Variants in CTDSPL observed in about 807,000 individuals in gnomAD.
CTDSPL encodes the protein CTD small phosphatase-like protein.
Under a neutral mutation model 30.5 loss-of-function variants are expected in CTDSPL, and 8 were observed. That is an observed-to-expected ratio of 0.26 (90% CI 0.15 to 0.47). CTDSPL has a LOEUF of 0.47. Among genes scored for constraint, CTDSPL ranks in the 20% least tolerant of loss-of-function variants. CTDSPL has a pLI of 0.99. For missense variants in CTDSPL, 248 were observed against 366.1 expected (o/e 0.68, Z 2.63); for synonymous variants, 110 against 137.9 (o/e 0.80, Z 1.42).
intron 1 of CTDSPL, among the ~76,000 whole-genome samples, chr3:37,942,577 A>G (rs1193164493): frequency 6.7e-6 from 1 of 150,196 alleles, no homozygotes; most frequent in Non-Finnish European, 1.5e-5. Context: ...CCGGGGGTAG[A>G]GGTTGCAGTG....
At chr3:37,925,359 C>T (rs189378307) in intron 1 of CTDSPL, among the ~76,000 whole-genome samples, 1 of 152,292 alleles carries the variant, frequency 6.6e-6, no homozygotes, top group East Asian at 1.9e-4. Context: ...GCATACCCTC[C>T]AAGCATTGGT....
At chr3:37,954,777 G>A (rs11919078) in intron 2 of CTDSPL, 32,317 of 152,250 alleles carry the variant, frequency 0.21, 4,940 homozygotes, top group African/African-American at 0.43. Flanking sequence ...AAGCCTCCAG[G>A]GGCTGGGAGG....
Position 37,982,762 on chromosome 3 carries a change from A to G in CTDSPL, c.*1895A>G, listed in dbSNP as rs1699506773. ...GATATTACCACAGATAATGACAGTTACATGGTAGAACTGCCCATGCCACAA... is the reference window on the plus strand; with the variant it reads ...GATATTACCACAGATAATGACAGTTGCATGGTAGAACTGCCCATGCCACAA... On this transcript the variant is annotated 3_prime_UTR_variant, in exon 8 of 8. Coordinates refer to ENST00000273179, the MANE Select transcript of CTDSPL (RefSeq NM_001008392.2). 5.0e-6 allele frequency: 2 copies of G among 402,696 alleles called. No homozygotes were observed. Among genetic ancestry groups the G allele is most frequent in the Non-Finnish European group, 1.0e-5 (2 of 198,162 alleles). The allele number at this position is 402,696 out of a possible 1,614,324, so 24.9% of individuals were successfully genotyped here.
intron 3 of CTDSPL, among the ~76,000 whole-genome samples, chr3:37,960,898 A>G (rs1237836838): frequency 6.6e-6 from 1 of 152,080 alleles, no homozygotes; most frequent in Non-Finnish European, 1.5e-5. Flanking sequence ...ATTTTAAGGA[A>G]ATTAATACTT....
chr3:37,903,833 C>T (rs1047359557), intron 1 of CTDSPL, among the ~76,000 whole-genome samples: 2 of 152,200 alleles, frequency 1.3e-5, no homozygotes, highest in Non-Finnish European at 2.9e-5. Context: ...CAAGCGACTA[C>T]CACTGTCAGG....
chr3:37,948,814 T>TTTTTTTTC (rs1559641771), intron 2 of CTDSPL, among the ~76,000 whole-genome samples: 6 of 133,556 alleles, frequency 4.5e-5, no homozygotes, highest in Non-Finnish European at 7.8e-5. Context: ...CTTTCTTTTT[T>TTTTTTTTC]TTTTTTTTTT....
intron 1 of CTDSPL, among the ~76,000 whole-genome samples, chr3:37,887,737 A>G (rs1698279010): frequency 6.6e-6 from 1 of 152,208 alleles, no homozygotes; most frequent in African/African-American, 2.4e-5. Context: ...CTGCAAAGAG[A>G]TAACTCAGTA....
intron 4 of CTDSPL, among the ~76,000 whole-genome samples, chr3:37,967,504 A>G (rs1346803757): frequency 6.6e-6 from 1 of 152,160 alleles, no homozygotes; most frequent in Non-Finnish European, 1.5e-5. Context: ...GTGATTCCCC[A>G]TCACCCCAGC....
chr3:37,948,012 G>T (rs774038106), intron 2 of CTDSPL, among the ~76,000 whole-genome samples: 1 of 152,250 alleles, frequency 6.6e-6, no homozygotes, highest in Non-Finnish European at 1.5e-5. Flanking sequence ...GGCCAGGCAT[G>T]GTGGCTCACG....
Position 37,978,933 on chromosome 3 carries a change from TC to T in CTDSPL, c.706-1807del, listed in dbSNP as rs1453177097. Among the ~76,000 whole-genome samples the T allele has an allele frequency of 2.0e-5, 3 of 152,256 alleles. No homozygotes were observed. In the East Asian group the frequency reaches 5.8e-4, roughly 29 times the overall value. On this transcript the variant is annotated intron_variant, in intron 7 of 7. Coordinates refer to ENST00000273179, the MANE Select transcript of CTDSPL (RefSeq NM_001008392.2). ...TAAATCATAAGTTCATACTGGTTTT[TC>T]CAATACAACGTTACGTTTTTATGTA...
rs978816065 is a variant in CTDSPL at position 37,984,213 on chromosome 3, C to A, written c.*3346C>A. 4.4e-6 allele frequency: 2 copies of A among 456,816 alleles called. No individual in the cohort carries two copies. The highest frequency in any genetic ancestry group is 8.8e-6 in the Non-Finnish European group (2 of 227,016). The allele number at this position is 456,816 out of a possible 1,614,324, so 28.3% of individuals were successfully genotyped here. On this transcript the variant is annotated 3_prime_UTR_variant, in exon 8 of 8. Coordinates refer to ENST00000273179, the MANE Select transcript of CTDSPL (RefSeq NM_001008392.2). ...TGCCTCTGTTCCTACTGTACTGTAA[C>A]TTTGATCATGTCTGTTCCTGTTCCA...
chr3:37,976,645 A>C (rs1699432152), intron 7 of CTDSPL, among the ~76,000 whole-genome samples: 1 of 152,044 alleles, frequency 6.6e-6, no homozygotes, highest in South Asian at 2.1e-4. Flanking sequence ...AAAAAAAAAA[A>C]ATGAATAAAA....
intron 2 of CTDSPL, among the ~76,000 whole-genome samples, chr3:37,949,912 C>T (rs1699088611): frequency 6.6e-6 from 1 of 152,200 alleles, no homozygotes; most frequent in African/African-American, 2.4e-5. Flanking sequence ...CTCTCTGGTA[C>T]TCAGTAAGAA....
At chr3:37,919,015 A>G (rs1273585959) in intron 1 of CTDSPL, among the ~76,000 whole-genome samples, 1 of 152,144 alleles carries the variant, frequency 6.6e-6, no homozygotes, top group Admixed American at 6.5e-5. Flanking sequence ...AGTTCTGTGT[A>G]ATAGTGGTTG....
rs768584020 is a variant in CTDSPL at position 37,964,709 on chromosome 3, G to C, written c.369+37G>C. On this transcript the variant is annotated intron_variant, in intron 4 of 7. Coordinates refer to ENST00000273179, the MANE Select transcript of CTDSPL (RefSeq NM_001008392.2). Reference sequence around the variant, plus strand: ...TAAAAAAAAAATCCATGATCTTTGTGATTTGATAACAATTGTATTGGAAAA... The same window carrying C: ...TAAAAAAAAAATCCATGATCTTTGTCATTTGATAACAATTGTATTGGAAAA... 6.1e-6 allele frequency: 9 copies of C among 1,473,408 alleles called. No homozygotes were observed. The South Asian group carries it at 9.2e-5, about 15-fold the overall frequency. 91.3% of individuals were successfully genotyped at this position (1,473,408 alleles called of 1,614,324 possible).
intron 1 of CTDSPL, among the ~76,000 whole-genome samples, chr3:37,867,170 A>C (rs991128956): frequency 6.6e-6 from 1 of 152,088 alleles, no homozygotes; most frequent in Non-Finnish European, 1.5e-5. Context: ...CATTTCTAAA[A>C]TTTTATCTTT....
chr3:37,936,183 C>T (rs1698913127), intron 1 of CTDSPL, among the ~76,000 whole-genome samples: 1 of 152,162 alleles, frequency 6.6e-6, no homozygotes, highest in Admixed American at 6.5e-5. Context: ...GGAGGGACTA[C>T]TGCCAGTACT....
At position 37,984,297 on chromosome 3, in the gene CTDSPL, T is replaced by C. The variant is rs999138401; in HGVS notation, c.*3430T>C. ...CCTCCCCCACCCCGGGTAGTGGAGA[T>C]GCTGGTGTCTGGGTAGTCATGGATT... is the stretch of plus-strand genomic sequence containing the variant. On this transcript the variant is annotated 3_prime_UTR_variant, in exon 8 of 8. Coordinates refer to ENST00000273179, the MANE Select transcript of CTDSPL (RefSeq NM_001008392.2). 8.1e-5 allele frequency: 37 copies of C among 456,758 alleles called. No individual in the cohort carries two copies. Among genetic ancestry groups the C allele is most frequent in the Middle Eastern group, 3.2e-4 (1 of 3,096 alleles). 28.3% of individuals were successfully genotyped at this position (456,758 alleles called of 1,614,324 possible).
chr3:37,974,804 G>A (rs990282390), intron 6 of CTDSPL, among the ~76,000 whole-genome samples: 5 of 152,186 alleles, frequency 3.3e-5, no homozygotes, highest in African/African-American at 4.8e-5. Flanking sequence ...GGCTGGTCTG[G>A]CCCAAGTGCC....
Sources: gnomAD v4.1 joint callset for allele counts (sites outside exome capture counted in the v4.1 genomes callset) on GRCh38, gnomAD v4.1.1 for gene constraint, MANE v1.5 for transcripts, NCBI Gene and HGNC (gene_info 2026-07-23, HGNC 2026-07-21) for gene names.